TLE3: variants seen among roughly 807,000 people sequenced by gnomAD.
TLE3 encodes the protein TLE family member 3, transcriptional corepressor.
TLE3 carries 14 observed loss-of-function variants against 93.0 expected under a neutral mutation model. The observed-to-expected ratio is 0.15, with a 90% CI of 0.10 to 0.24. TLE3 has a LOEUF of 0.24. Ranked by LOEUF, TLE3 falls within the 10% of genes least tolerant of loss-of-function variation. The probability of loss-of-function intolerance (pLI) is 1.00; values close to 1 mark genes in which losing one functional copy is unlikely to be tolerated. For missense variants in TLE3, 693 were observed against 1,046.6 expected (o/e 0.66, Z 4.66); for synonymous variants, 451 against 425.0 (o/e 1.06, Z -0.75).
chr15:70,067,201 C>T (rs2056868565), intron 6 of TLE3, among the ~76,000 whole-genome samples: 1 of 152,224 alleles, frequency 6.6e-6, no homozygotes. Context: ...ACACTAGCCT[C>T]AGGGGCTTGG....
Position 70,089,213 on chromosome 15 carries a change from C to T in TLE3, c.234+5319G>A, listed in dbSNP as rs556604564. On this transcript the variant is annotated intron_variant, in intron 4 of 19. Coordinates refer to ENST00000451782, the MANE Select transcript of TLE3 (RefSeq NM_001105192.3). ...CGCCAAGCAAAGCCCTCAGTGAAGT[C>T]TGCTCTCACCCAAGAAGAATAAGCT... Among the ~76,000 whole-genome samples the T allele has an allele frequency of 5.3e-5, 8 of 152,354 alleles. No homozygotes were observed. The South Asian group carries it at 1.4e-3, about 28-fold the overall frequency.
chr15:70,077,242 T>C (rs1239152809), intron 4 of TLE3, among the ~76,000 whole-genome samples: 2 of 152,160 alleles, frequency 1.3e-5, no homozygotes, highest in African/African-American at 4.8e-5. Flanking sequence ...GCTATACGGG[T>C]TAACTGAGTC....
chr15:70,057,111 C>G (rs956513335), intron 13 of TLE3, among the ~76,000 whole-genome samples: 1 of 152,212 alleles, frequency 6.6e-6, no homozygotes, highest in African/African-American at 2.4e-5. Flanking sequence ...GTCCCATCTA[C>G]GAGACCCCTG....
chr15:70,076,505 C>G (rs1309944190), intron 4 of TLE3, among the ~76,000 whole-genome samples: 1 of 152,172 alleles, frequency 6.6e-6, no homozygotes, highest in East Asian at 1.9e-4. Flanking sequence ...CAGCAAAACC[C>G]ACTGTAAGAG....
At chr15:70,057,363 T>C (rs2056138979) in intron 13 of TLE3, 96 bp downstream of exon 13, 2 of 1,419,126 alleles carry the variant, frequency 1.4e-6, no homozygotes, top group East Asian at 2.5e-5. Flanking sequence ...CTTGAGACCC[T>C]GAGGGGCCCC....
chr15:70,053,610 G>C (rs556845849), intron 16 of TLE3: 310 of 402,574 alleles, frequency 7.7e-4, no homozygotes, highest in Non-Finnish European at 1.1e-3. Flanking sequence ...GAAATGGGGG[G>C]GGGAGGTGAA....
chr15:70,066,340 CA>C, intron 6 of TLE3, 122 bp from the exon 7 acceptor site: 1 of 855,494 alleles, frequency 1.2e-6, no homozygotes, highest in Admixed American at 3.5e-5. Flanking sequence ...GGGTGGGTGG[CA>C]GGGGGAAGCA....
chr15:70,059,705 G>A (rs577485496), intron 9 of TLE3, among the ~76,000 whole-genome samples: 4 of 152,282 alleles, frequency 2.6e-5, no homozygotes, highest in South Asian at 2.1e-4. Flanking sequence ...CTGGGCAGCC[G>A]CACTGACACC....
In TLE3 at chr15:70,076,141, T is replaced by G; in HGVS notation, c.252A>C (p.Arg84Ser). The G allele has an allele frequency of 6.2e-7, 1 of 1,613,966 alleles. No homozygotes were observed. The highest frequency in any genetic ancestry group is 8.5e-7 in the Non-Finnish European group (1 of 1,179,872). The part of the protein sequence containing the change: ...EMHKQTEIAK[R>S]LNTILAQIMP... ...TGATCTGTGCTAAAATTGTGTTCAG[T>G]CTCTTCGCAATCTCTGTCTGCAAAG... The change falls in exon 5 of 20, where the codon AGA becomes AGC. Residue 84 changes from arginine to serine, a missense_variant. This residue lies in a region of TLE3 where 104 missense variants were observed against 173.8 expected (regional missense o/e 0.60). Transcript: ENST00000451782.
intron 6 of TLE3, among the ~76,000 whole-genome samples, chr15:70,068,293 C>T (rs75064204): frequency 0.022 from 3,284 of 152,276 alleles, 154 homozygotes; most frequent in East Asian, 0.21. Flanking sequence ...AAATGGACTC[C>T]TGTGAACCAT....
intron 12 of TLE3, 48 bp from the exon 13 acceptor site, chr15:70,057,706 A>G (rs1227019012): frequency 3.9e-6 from 6 of 1,533,698 alleles, no homozygotes; most frequent in Non-Finnish European, 5.2e-6. Context: ...GGATTGGGAC[A>G]TGGCCATGGC....
In TLE3 at chr15:70,050,037, C is replaced by A; in HGVS notation, c.*60G>T. 1 of 1,484,352 alleles carries A rather than the reference C, an allele frequency of 6.7e-7. No homozygotes were observed. Among genetic ancestry groups the A allele is most frequent in the Middle Eastern group, 1.7e-4 (1 of 5,802 alleles). 91.9% of individuals were successfully genotyped at this position (1,484,352 alleles called of 1,614,324 possible). A position where few individuals can be genotyped will look rare whatever the true frequency, so the allele number is the denominator to read the frequency against. ...TCCTCGGGGCCCCTCGCCTGGGGGT[C>A]TCCCTGTCAGAGCCGAGTCGGTTTC... On this transcript the variant is annotated 3_prime_UTR_variant, in exon 20 of 20. Transcript: ENST00000451782.
intron 5 of TLE3, among the ~76,000 whole-genome samples, chr15:70,075,193 T>C (rs964289921): frequency 2.0e-5 from 3 of 152,220 alleles, no homozygotes; most frequent in African/African-American, 7.2e-5. Context: ...TAATGTAAAC[T>C]ACGGACTTTG....
intron 17 of TLE3, 71 bp downstream of exon 17, chr15:70,053,156 C>T (rs2055697596): frequency 2.7e-5 from 41 of 1,531,510 alleles, no homozygotes; most frequent in Non-Finnish European, 3.4e-5. Context: ...TTGTCCCTGA[C>T]CCAGCCACTG....
At chr15:70,057,769 A>G in intron 12 of TLE3, 111 bp from the exon 13 acceptor site, 2 of 1,364,988 alleles carry the variant, frequency 1.5e-6, no homozygotes, top group Non-Finnish European at 2.0e-6. Context: ...TGCTCCAGGC[A>G]GTCCTCTCAG....
Position 70,066,168 on chromosome 15 carries a change from C to G in TLE3, c.423G>C (p.Pro141=), listed in dbSNP as rs758929098. The change falls in exon 7 of 20, where the codon CCG becomes CCC. Residue 141 remains proline, a synonymous_variant. Coordinates refer to ENST00000451782, the MANE Select transcript of TLE3 (RefSeq NM_001105192.3). Reference sequence around the variant, plus strand: ...CTGACGGGTGGGGTGGCAACTGGACCGGGGGGCCGTGTGTGGCATGGGAGA... The same window carrying G: ...CTGACGGGTGGGGTGGCAACTGGACGGGGGGGCCGTGTGTGGCATGGGAGA... The part of the protein sequence containing the change: ...QHLSHATHGP[P]VQLPPHPSGL... The G allele has an allele frequency of 4.8e-5, 74 of 1,543,912 alleles. No individual in the cohort carries two copies. The highest frequency in any genetic ancestry group is 6.1e-5 in the Non-Finnish European group (70 of 1,146,580).
chr15:70,091,788 G>C (rs1404051813), intron 4 of TLE3, among the ~76,000 whole-genome samples: 2 of 152,194 alleles, frequency 1.3e-5, no homozygotes, highest in Non-Finnish European at 2.9e-5. Flanking sequence ...CCATCTGGCA[G>C]GACTCGAGGT....
intron 8 of TLE3, 43 bp from the exon 9 acceptor site, chr15:70,060,692 G>C: frequency 1.2e-6 from 2 of 1,606,620 alleles, no homozygotes; most frequent in Middle Eastern, 1.7e-4. Context: ...TTTCTGCTGC[G>C]TGTAACAATT....
Position 70,078,840 on chromosome 15 carries a change from C to T in TLE3, c.235-2682G>A, listed in dbSNP as rs536870621. Among the ~76,000 whole-genome samples the T allele has an allele frequency of 6.6e-5, 10 of 152,334 alleles. No individual in the cohort carries two copies. The South Asian group carries it at 1.5e-3, about 22-fold the overall frequency. On this transcript the variant is annotated intron_variant, in intron 4 of 19. Coordinates refer to ENST00000451782, the MANE Select transcript of TLE3 (RefSeq NM_001105192.3). ...CAGCAACTATTAACTCTCACAGTCT[C>T]TGGGAGAGCAGGGAGGCAGGGTGAT...
Sources: allele counts gnomAD v4.1 joint callset (sites outside exome capture counted in the v4.1 genomes callset), GRCh38; gene constraint gnomAD v4.1.1; regional missense constraint gnomAD v4.1.1; transcripts MANE v1.5; gene names NCBI Gene and HGNC (gene_info 2026-07-23, HGNC 2026-07-21).